The following TMC1 variants were observed in gnomAD, a reference collection of about 807,000 sequenced individuals.
TMC1 encodes the protein transmembrane channel like 1, also known as transmembrane channel-like protein 1.
Under a neutral mutation model 105.8 loss-of-function variants are expected in TMC1, and 84 were observed. The observed-to-expected ratio is 0.79, with a 90% CI of 0.67 to 0.95. The LOEUF is 0.95. Among genes scored for constraint, TMC1 ranks in the 40% least tolerant of loss-of-function variants. The pLI is 0.00. For synonymous variants in TMC1, 315 were observed against 311.5 expected, an observed-to-expected ratio of 1.01 and a Z score of -0.12; for missense variants, 817 against 914.1, an observed-to-expected ratio of 0.89 and a Z score of 1.37.
At chr9:72,679,500 A>G (rs1588027597) in intron 5 of TMC1, among the ~76,000 whole-genome samples, 1 of 152,116 alleles carries the variant, frequency 6.6e-6, no homozygotes, top group South Asian at 2.1e-4. Context: ...ATAACAAAAT[A>G]TCATAGACTA....
chr9:72,541,087 G>A (rs1345696868), intron 1 of TMC1, among the ~76,000 whole-genome samples: 3 of 152,018 alleles, frequency 2.0e-5, no homozygotes, highest in Non-Finnish European at 4.4e-5. Context: ...TTTTCTCAAT[G>A]CCAAATTGTT....
intron 1 of TMC1, among the ~76,000 whole-genome samples, chr9:72,572,435 T>C (rs1014421816): frequency 2.6e-5 from 4 of 152,148 alleles, no homozygotes; most frequent in Admixed American, 6.5e-5. Flanking sequence ...CTTCGAGCAA[T>C]TTGCCCGCCT....
chr9:72,624,590 T>C (rs1825313501), intron 3 of TMC1, among the ~76,000 whole-genome samples: 1 of 152,226 alleles, frequency 6.6e-6, no homozygotes, highest in Non-Finnish European at 1.5e-5. Flanking sequence ...ACCTCTCTTC[T>C]TTGGGGCCAC....
intron 23 of TMC1, among the ~76,000 whole-genome samples, chr9:72,834,040 TCA>T (rs1436406043): frequency 1.7e-4 from 26 of 151,696 alleles, no homozygotes; most frequent in African/African-American, 6.0e-4. Context: ...TTTTTTTTTT[TCA>T]TGTAGAATTT....
chr9:72,813,335 A>T (rs1008392259), intron 18 of TMC1, among the ~76,000 whole-genome samples: 1 of 152,186 alleles, frequency 6.6e-6, no homozygotes, highest in Non-Finnish European at 1.5e-5. Flanking sequence ...TATACTACAT[A>T]TGTGTAGTTT....
chr9:72,763,626 A>G (rs997301126), intron 12 of TMC1, among the ~76,000 whole-genome samples: 2 of 152,190 alleles, frequency 1.3e-5, no homozygotes, highest in African/African-American at 2.4e-5. Context: ...AAGAACATCA[A>G]TTACAGAGAA....
chr9:72,820,875 C>T lies in TMC1; in HGVS notation c.1797C>T (p.Gly599=). The change falls in exon 20 of 24, where the codon GGC becomes GGT. Residue 599 remains glycine (G), a synonymous_variant. Transcript: ENST00000297784. ...MGSFFAPSLP[G]INILRLHTSM... ...CCTTCTTTGCTCCCAGCCTCCCAGGCATCAATATCCTTCGACTCCATACAT... is the reference window on the plus strand; with the variant it reads ...CCTTCTTTGCTCCCAGCCTCCCAGGTATCAATATCCTTCGACTCCATACAT... 6.2e-7 allele frequency: 1 copy of T among 1,614,190 alleles called. No homozygotes were observed. Among genetic ancestry groups the T allele is most frequent in the Non-Finnish European group, 8.5e-7 (1 of 1,180,034 alleles).
rs183641815 is a variant in TMC1, at chr9:72,729,304, C to T, written c.363-10815C>T. On this transcript the variant is annotated intron_variant, in intron 8 of 23. Coordinates refer to ENST00000297784, the MANE Select transcript of TMC1 (RefSeq NM_138691.3). ...AGTAATCTAAAAAATATATATTTTA[C>T]CTGTAAAGTGGTACTATCCAAAAGG... Among the ~76,000 whole-genome samples, 710 of 152,154 alleles carry T rather than the reference C, an allele frequency of 4.7e-3. 1 individual carries two copies. The highest frequency in any genetic ancestry group is 6.9e-3 in the African/African-American group (285 of 41,524).
Position 72,792,027 on chromosome 9 carries a change from G to GT in TMC1, c.1367dup (p.Phe457IlefsTer8). ...TGCTCTTCTTTTAGGCAATTTATAC[G>GT]TATTTATTCTTGCATTAATGGATGA... On this transcript the variant is annotated frameshift_variant, in exon 16 of 24. Transcript: ENST00000297784. LOFTEE classifies it high-confidence loss of function. The GT allele has an allele frequency of 6.2e-7, 1 of 1,614,050 alleles. No individual in the cohort carries two copies. Among genetic ancestry groups the GT allele is most frequent in the Non-Finnish European group, 8.5e-7 (1 of 1,179,984 alleles).
At position 72,785,441 on chromosome 9, in the gene TMC1, G is replaced by A. The variant is rs550602743; in HGVS notation, c.885-2898G>A. Among the ~76,000 whole-genome samples the A allele has an allele frequency of 7.9e-5, 12 of 152,224 alleles. No individual in the cohort carries two copies. The South Asian group carries it at 2.5e-3, about 32-fold the overall frequency. On this transcript the variant is annotated intron_variant, in intron 13 of 23. Transcript: ENST00000297784. ...TACTGTAGATCTTAGCAACCTCAGT[G>A]TATGATTTTCTTTTCCTTCCTTATT...
rs371697116 is a variant in TMC1 at position 72,729,830 on chromosome 9, A to G, written c.363-10289A>G. ...TGACATGGAAGCCTTCAGAATGAAG[A>G]TTTGAAGACCCAAGGAAAAACTGTC... is the stretch of plus-strand genomic sequence containing the variant. On this transcript the variant is annotated intron_variant, in intron 8 of 23. Coordinates refer to ENST00000297784, the MANE Select transcript of TMC1 (RefSeq NM_138691.3). Among the ~76,000 whole-genome samples, 250 of 152,318 alleles carry G rather than the reference A, an allele frequency of 1.6e-3. 2 individuals carry two copies. The highest frequency in any genetic ancestry group is 5.9e-3 in the African/African-American group (245 of 41,564).
At chr9:72,751,977 T>C (rs1422325535) in intron 11 of TMC1, 21 bp downstream of exon 11, 1 of 1,440,778 alleles carries the variant, frequency 6.9e-7, no homozygotes, top group Admixed American at 1.7e-5. Context: ...ACTTCCAGTT[T>C]ACAAAACATG....
At chr9:72,546,492 C>A (rs999305714) in intron 1 of TMC1, among the ~76,000 whole-genome samples, 2 of 152,166 alleles carry the variant, frequency 1.3e-5, no homozygotes, top group African/African-American at 2.4e-5. Flanking sequence ...CCGGTAACGT[C>A]AGACCAGCAT....
rs776707549 is a variant in TMC1, at chr9:72,790,173, G to A, written c.1224+856G>A. ...TTCAAAGTATGTGCAGATTTAGGCT[G>A]TGGGAAGTGTAGACTTCCCACACTG... On this transcript the variant is annotated intron_variant, in intron 15 of 23. Coordinates refer to ENST00000297784, the MANE Select transcript of TMC1 (RefSeq NM_138691.3). Among the ~76,000 whole-genome samples the A allele has an allele frequency of 7.1e-4, 108 of 152,174 alleles. 2 individuals carry two copies. Among genetic ancestry groups the A allele is most frequent in the Non-Finnish European group, 1.1e-3 (73 of 68,024 alleles).
At chr9:72,635,299 A>T (rs896250625) in intron 4 of TMC1, among the ~76,000 whole-genome samples, 3 of 151,974 alleles carry the variant, frequency 2.0e-5, no homozygotes, top group African/African-American at 7.2e-5. Flanking sequence ...GTTCCTTCAG[A>T]TTTTTATGAG....
chr9:72,662,565 A>G (rs927287995), intron 5 of TMC1, among the ~76,000 whole-genome samples: 3 of 152,024 alleles, frequency 2.0e-5, no homozygotes, highest in Admixed American at 6.6e-5. Context: ...CTGTCTCTTT[A>G]GGAAGTTTTT....
At chr9:72,750,373 T>G (rs1827563618) in intron 10 of TMC1, among the ~76,000 whole-genome samples, 1 of 152,218 alleles carries the variant, frequency 6.6e-6, no homozygotes, top group Non-Finnish European at 1.5e-5. Context: ...GTTTGTTGTT[T>G]TTTCTTGGGC....
At chr9:72,723,041 T>G (rs901710130) in intron 8 of TMC1, among the ~76,000 whole-genome samples, 1 of 152,174 alleles carries the variant, frequency 6.6e-6, no homozygotes, top group Non-Finnish European at 1.5e-5. Flanking sequence ...CTCTGTTATT[T>G]AATCTATAAT....
chr9:72,629,480 G>A (rs992261795), intron 4 of TMC1, among the ~76,000 whole-genome samples: 5 of 152,112 alleles, frequency 3.3e-5, no homozygotes, highest in Non-Finnish European at 5.9e-5. Context: ...GAGCTAGTTG[G>A]GAAAACTAAT....
Sources: gnomAD v4.1 joint callset for allele counts (sites outside exome capture counted in the v4.1 genomes callset) on GRCh38, gnomAD v4.1.1 for gene constraint, MANE v1.5 for transcripts, NCBI Gene and HGNC (gene_info 2026-07-23, HGNC 2026-07-21) for gene names.